ABCB10: variants seen among roughly 807,000 people sequenced by gnomAD.
ABCB10 encodes ATP-binding cassette sub-family B member 10, mitochondrial.
A neutral mutation model predicts 65.4 loss-of-function variants in ABCB10; 54 were observed. The ratio of observed to expected loss-of-function variants is 0.83; its 90% CI spans 0.66 to 1.04. ABCB10 has a LOEUF of 1.04. Ranked by LOEUF, ABCB10 falls within the 50% of genes least tolerant of loss-of-function variation. The pLI is 0.00. For synonymous variants in ABCB10, 418 were observed against 406.5 expected, an observed-to-expected ratio of 1.03 and a Z score of -0.34; for missense variants, 846 against 976.6, an observed-to-expected ratio of 0.87 and a Z score of 1.78.
intron 1 of ABCB10, among the ~76,000 whole-genome samples, chr1:229,551,829 A>G (rs1032838392): frequency 3.3e-5 from 5 of 152,270 alleles, no homozygotes; most frequent in African/African-American, 1.2e-4. Context: ...TTCAGGATTC[A>G]GCAGAAAATT....
chr1:229,554,609 C>T lies in ABCB10; in HGVS notation c.517+3527G>A, dbSNP rs917113262. Among the ~76,000 whole-genome samples the T allele has an allele frequency of 1.1e-4, 17 of 152,150 alleles. 1 individual carries two copies. Among genetic ancestry groups the T allele is most frequent in the Admixed American group, 6.5e-4 (10 of 15,284 alleles). On this transcript the variant is annotated intron_variant, in intron 1 of 12. Coordinates refer to ENST00000344517, the MANE Select transcript of ABCB10 (RefSeq NM_012089.3). Reference sequence around the variant, plus strand: ...ATCCAAAATATTATCCACACATGATCAACATAAAAAATTAGTAAGATATTT... The same window carrying T: ...ATCCAAAATATTATCCACACATGATTAACATAAAAAATTAGTAAGATATTT...
At chr1:229,532,149 C>T (rs1415605082) in intron 6 of ABCB10, among the ~76,000 whole-genome samples, 2 of 151,904 alleles carry the variant, frequency 1.3e-5, no homozygotes. Context: ...GATGGGGTTT[C>T]GCATGTTGGC....
chr1:229,535,129 T>C (rs1002351546), intron 6 of ABCB10: 5 of 150,768 alleles, frequency 3.3e-5, no homozygotes, highest in East Asian at 1.9e-4. Flanking sequence ...AAGTTTTCAA[T>C]TGGCAATAAT....
chr1:229,530,126 A>G, intron 8 of ABCB10, 73 bp downstream of exon 8: 2 of 1,451,338 alleles, frequency 1.4e-6, no homozygotes, highest in South Asian at 1.1e-5. Flanking sequence ...TGGTTTGAGC[A>G]TCTCCTAGGG....
intron 8 of ABCB10, among the ~76,000 whole-genome samples, chr1:229,529,911 C>T (rs1042823162): frequency 6.6e-6 from 1 of 152,016 alleles, no homozygotes; most frequent in South Asian, 2.1e-4. Flanking sequence ...GAGGGCATGT[C>T]CAGAGGAGAT....
intron 1 of ABCB10, among the ~76,000 whole-genome samples, chr1:229,553,123 CTT>C (rs113418910): frequency 6.8e-6 from 1 of 146,460 alleles, no homozygotes; most frequent in African/African-American, 2.5e-5. Context: ...GCCAGATTTG[CTT>C]TTTTTTTTTG....
chr1:229,555,965 ATC>A (rs994149105), intron 1 of ABCB10, among the ~76,000 whole-genome samples: 1 of 138,964 alleles, frequency 7.2e-6, no homozygotes, highest in African/African-American at 2.7e-5. Flanking sequence ...ATATGTATTT[ATC>A]TGTTTGAAAA....
chr1:229,548,663 T>A (rs1663025754), intron 2 of ABCB10, among the ~76,000 whole-genome samples: 2 of 150,358 alleles, frequency 1.3e-5, no homozygotes, highest in African/African-American at 5.0e-5. Context: ...TTTCTTTTTT[T>A]TTCTTTTTTT....
chr1:229,558,407 G>T lies in ABCB10; in HGVS notation c.246C>A (p.Gly82=). The T allele has an allele frequency of 8.3e-7, 1 of 1,198,142 alleles. No homozygotes were observed. The highest frequency in any genetic ancestry group is 1.0e-6 in the Non-Finnish European group (1 of 968,186). 74.2% of individuals were successfully genotyped at this position (1,198,142 alleles called of 1,614,324 possible). Residue 82 remains glycine (G), a synonymous_variant, in exon 1 of 13, where the codon GGC becomes GGA. Coordinates refer to ENST00000344517, the MANE Select transcript of ABCB10 (RefSeq NM_012089.3). The part of the protein sequence containing the change: ...CRGGGPGASR[G]VLGLARLLGL... ...CCAGGAGCCGCGCGAGGCCCAGGACGCCCCGCGAGGCGCCCGGACCCCCGC... is the reference window on the plus strand; with the variant it reads ...CCAGGAGCCGCGCGAGGCCCAGGACTCCCCGCGAGGCGCCCGGACCCCCGC...
At chr1:229,538,016 G>C (rs894419442) in intron 6 of ABCB10, among the ~76,000 whole-genome samples, 1 of 152,136 alleles carries the variant, frequency 6.6e-6, no homozygotes, top group African/African-American at 2.4e-5. Context: ...CGCACCAGAT[G>C]GCAGATCCTG....
In ABCB10 at chr1:229,539,457, T is replaced by G; in HGVS notation, c.1338A>C (p.Gly446=). 2.5e-6 allele frequency: 4 copies of G among 1,613,884 alleles called. No homozygotes were observed. The highest frequency in any genetic ancestry group is 3.4e-6 in the Non-Finnish European group (4 of 1,179,832). ...MYAFWVGISI[G]GLSSFYSELM... is the part of the protein sequence containing the mutation. Reference sequence around the variant, plus strand: ...CCCAAGCCTATTTAAATTATTTACCTCCAATGCTTATTCCAACCCAGAAAG... The same window carrying G: ...CCCAAGCCTATTTAAATTATTTACCGCCAATGCTTATTCCAACCCAGAAAG... The change falls in exon 6 of 13, where the codon GGA becomes GGC. Residue 446 remains glycine (G), a splice_region_variant and synonymous_variant. Transcript: ENST00000344517.
chr1:229,556,536 G>A lies in ABCB10; in HGVS notation c.517+1600C>T, dbSNP rs575353340. ...AAAAACAAAAGAAGAAAGAAAAAAG[G>A]AGGCAGTCTCGTCTTGTTTAAGGCT... is the stretch of plus-strand genomic sequence containing the variant. On this transcript the variant is annotated intron_variant, in intron 1 of 12. Transcript: ENST00000344517. 5.9e-4 allele frequency among the ~76,000 whole-genome samples: 90 copies of A among 152,258 alleles called. 1 individual carries two copies. The highest frequency in any genetic ancestry group is 9.7e-4 in the Non-Finnish European group (66 of 68,014).
At chr1:229,539,341 G>C (rs1269593663) in intron 6 of ABCB10, 115 bp downstream of exon 6, 1 of 1,445,992 alleles carries the variant, frequency 6.9e-7, no homozygotes, top group South Asian at 1.2e-5. Context: ...TAACATTCTA[G>C]GAAATGCTTT....
chr1:229,533,892 A>G (rs2102692351), intron 6 of ABCB10, among the ~76,000 whole-genome samples: 1 of 152,342 alleles, frequency 6.6e-6, no homozygotes, highest in African/African-American at 2.4e-5. Flanking sequence ...TTTTAGATAC[A>G]ATACCAAAGG....
chr1:229,527,107 A>T, intron 9 of ABCB10, 122 bp downstream of exon 9: 1 of 919,666 alleles, frequency 1.1e-6, no homozygotes, highest in Non-Finnish European at 1.7e-6. Flanking sequence ...AGATGAGCTT[A>T]ATACATCCCA....
chr1:229,536,008 G>T (rs1662711670), intron 6 of ABCB10, among the ~76,000 whole-genome samples: 1 of 152,132 alleles, frequency 6.6e-6, no homozygotes, highest in South Asian at 2.1e-4. Context: ...TTACAGGAGT[G>T]AGCCACTGCG....
At position 229,526,119 on chromosome 1, in the gene ABCB10, AC is replaced by A. The variant is rs771487964; in HGVS notation, c.1726-4del. 6.2e-7 allele frequency: 1 copy of A among 1,607,332 alleles called. No individual in the cohort carries two copies. Among genetic ancestry groups the A allele is most frequent in the Non-Finnish European group, 8.5e-7 (1 of 1,177,050 alleles). On this transcript the variant is annotated splice_polypyrimidine_tract_variant and splice_region_variant and intron_variant, in intron 9 of 12. Coordinates refer to ENST00000344517, the MANE Select transcript of ABCB10 (RefSeq NM_012089.3). The stretch of plus-strand genomic sequence containing the variant: ...GAGCAAGAAAACAAAATGGGTTCCT[AC>A]AAATTGGAAATAAAACATATCACGA...
chr1:229,535,282 G>C (rs1662692704), intron 6 of ABCB10: 1 of 152,008 alleles, frequency 6.6e-6, no homozygotes, highest in Admixed American at 6.6e-5. Context: ...ACCTACACAT[G>C]GATGTTTATA....
chr1:229,540,508 A>C, intron 5 of ABCB10, 98 bp downstream of exon 5: 1 of 1,264,516 alleles, frequency 7.9e-7, no homozygotes, highest in South Asian at 1.9e-5. Context: ...AAATTTTAAA[A>C]ATTAAAATTA....
Sources: allele counts gnomAD v4.1 joint callset (sites outside exome capture counted in the v4.1 genomes callset), GRCh38; gene constraint gnomAD v4.1.1; transcripts MANE v1.5; gene names NCBI Gene and HGNC (gene_info 2026-07-23, HGNC 2026-07-21).